PFDN1: variants seen among roughly 807,000 people sequenced by gnomAD.
The protein encoded by PFDN1 is prefoldin subunit 1.
A neutral mutation model predicts 17.3 loss-of-function variants in PFDN1; 6 were observed. That is an observed-to-expected ratio of 0.35 (90% CI 0.19 to 0.69). PFDN1 has a LOEUF of 0.69. Ranked by LOEUF, PFDN1 falls within the 30% of genes least tolerant of loss-of-function variation. The pLI is 0.65. For synonymous variants in PFDN1, 58 were observed against 50.1 expected, an observed-to-expected ratio of 1.16 and a Z score of -0.67; for missense variants, 113 against 146.2, an observed-to-expected ratio of 0.77 and a Z score of 1.17.
chr5:140,273,808 G>T, intron 3 of PFDN1: 1 of 572,314 alleles, frequency 1.7e-6, no homozygotes, highest in Non-Finnish European at 2.2e-6. Context: ...CCAGGGTGGT[G>T]AAAGGGGTGG....
In PFDN1 at chr5:140,303,079, T is replaced by C. The variant is rs778826647; in HGVS notation, c.-6A>G. 2.8e-5 allele frequency: 45 copies of C among 1,611,656 alleles called. No homozygotes were observed. The Admixed American group carries it at 6.2e-4, about 22-fold the overall frequency. On this transcript the variant is annotated 5_prime_UTR_variant, in exon 1 of 4. Coordinates refer to ENST00000261813, the MANE Select transcript of PFDN1 (RefSeq NM_002622.5). Reference sequence around the variant, plus strand: ...AGATCCACGGGGGCGGCCATCTTGGTGCACTGTAAGCGCCTGCGCAGTGGG... The same window carrying C: ...AGATCCACGGGGGCGGCCATCTTGGCGCACTGTAAGCGCCTGCGCAGTGGG...
chr5:140,262,978 A>G (rs746448722), intron 3 of PFDN1, among the ~76,000 whole-genome samples: 1 of 152,250 alleles, frequency 6.6e-6, no homozygotes, highest in Non-Finnish European at 1.5e-5. Context: ...AGCATCCACC[A>G]GAGGCAAATA....
rs554936604 is a variant in PFDN1, at chr5:140,254,758, G to A, written c.286-8701C>T. On this transcript the variant is annotated intron_variant, in intron 3 of 3. Transcript: ENST00000261813. This position sits in a 1 kb window ranked among gnomAD's most constrained non-coding sequence, Gnocchi z 4.4. ...CTTCCAGGTCACTTCTGATACTCTC[G>A]CTCCAGCATTTCTTCAACCTCGTCA... Among the ~76,000 whole-genome samples the A allele has an allele frequency of 1.3e-5, 2 of 152,038 alleles. No individual in the cohort carries two copies. The highest frequency in any genetic ancestry group is 2.1e-4 in the South Asian group (1 of 4,818).
chr5:140,256,603 C>A, intron 3 of PFDN1, among the ~76,000 whole-genome samples: 1 of 147,028 alleles, frequency 6.8e-6, no homozygotes, highest in Admixed American at 6.9e-5. Context: ...CCCTGACTTC[C>A]CCATCTCAGT....
intron 3 of PFDN1, among the ~76,000 whole-genome samples, chr5:140,256,658 CAAAAAAAAAA>C (rs757723797): frequency 1.5e-4 from 6 of 39,892 alleles, no homozygotes; most frequent in South Asian, 2.0e-3. Flanking sequence ...CAAAAAATGA[CAAAAAAAAAA>C]AAAAAAAAAA....
At chr5:140,256,862 C>T (rs569145249) in intron 3 of PFDN1, among the ~76,000 whole-genome samples, 1 of 152,176 alleles carries the variant, frequency 6.6e-6, no homozygotes, top group South Asian at 2.1e-4. Context: ...AAGCCTCCAT[C>T]ATCTCTTGCC....
intron 3 of PFDN1, among the ~76,000 whole-genome samples, chr5:140,275,949 T>A (rs1765284302): frequency 6.6e-6 from 1 of 152,102 alleles, no homozygotes; most frequent in African/African-American, 2.4e-5. Flanking sequence ...TAGCATGGCC[T>A]TTGTCTACAG....
At chr5:140,294,211 C>T (rs1451771028) in intron 2 of PFDN1, among the ~76,000 whole-genome samples, 1 of 151,988 alleles carries the variant, frequency 6.6e-6, no homozygotes, top group Non-Finnish European at 1.5e-5. Context: ...CTGTAGTATG[C>T]ACTAAATAAA....
chr5:140,293,594 C>G (rs2126700150), intron 2 of PFDN1, among the ~76,000 whole-genome samples: 1 of 152,024 alleles, frequency 6.6e-6, no homozygotes, highest in East Asian at 1.9e-4. Flanking sequence ...GGAGGGGAAG[C>G]AGGGAAATAA....
At chr5:140,259,756 G>T (rs774615721) in intron 3 of PFDN1, among the ~76,000 whole-genome samples, 3 of 152,204 alleles carry the variant, frequency 2.0e-5, no homozygotes, top group Non-Finnish European at 2.9e-5. Context: ...TGTGGGGTAA[G>T]ATTAACATGC....
chr5:140,246,084 T>C, intron 3 of PFDN1, 27 bp from the exon 4 acceptor site: 1 of 1,409,186 alleles, frequency 7.1e-7, no homozygotes, highest in Non-Finnish European at 9.8e-7. Flanking sequence ...AGACAAAGGT[T>C]AGGACCAGAG....
intron 3 of PFDN1, among the ~76,000 whole-genome samples, chr5:140,259,740 C>T (rs1165520660): frequency 6.6e-6 from 1 of 152,146 alleles, no homozygotes; most frequent in Non-Finnish European, 1.5e-5. Flanking sequence ...GTGTAACTGA[C>T]GCAACTGTGG....
chr5:140,295,092 A>G (rs901185582), intron 2 of PFDN1, among the ~76,000 whole-genome samples: 3 of 152,036 alleles, frequency 2.0e-5, no homozygotes, highest in African/African-American at 7.2e-5. Flanking sequence ...TCTCTTTTGG[A>G]AAAAAGAAAT....
chr5:140,293,622 T>A (rs1422516134), intron 2 of PFDN1, among the ~76,000 whole-genome samples: 2 of 152,076 alleles, frequency 1.3e-5, no homozygotes, highest in Non-Finnish European at 2.9e-5. Flanking sequence ...AAAGTACTCG[T>A]CTGCAGAAGA....
At position 140,303,021 on chromosome 5, in the gene PFDN1, T is replaced by G. The variant is rs1561523693; in HGVS notation, c.33+20A>C. The G allele has an allele frequency of 1.3e-6, 2 of 1,589,382 alleles. No individual in the cohort carries two copies. Among genetic ancestry groups the G allele is most frequent in the East Asian group, 2.2e-5 (1 of 44,772 alleles). ...AGCCTCCAAAAAGAAGACCTCCGCC[T>G]GCCAAAGACCCTCTTTTACCTTCTT... On this transcript the variant is annotated intron_variant, in intron 1 of 3. Coordinates refer to ENST00000261813, the MANE Select transcript of PFDN1 (RefSeq NM_002622.5).
chr5:140,248,678 T>G (rs1462227892), intron 3 of PFDN1, among the ~76,000 whole-genome samples: 3 of 152,220 alleles, frequency 2.0e-5, no homozygotes, highest in Non-Finnish European at 2.9e-5. Context: ...AGAGCTCTTC[T>G]GCCCTCCCAC....
chr5:140,293,092 T>C (rs1202895079), intron 2 of PFDN1: 1 of 152,036 alleles, frequency 6.6e-6, no homozygotes, highest in Non-Finnish European at 1.5e-5. Flanking sequence ...TCAGAGAAAT[T>C]CAGCTAATTA....
chr5:140,285,306 C>T (rs963039453), intron 2 of PFDN1, among the ~76,000 whole-genome samples: 7 of 150,950 alleles, frequency 4.6e-5, no homozygotes, highest in African/African-American at 1.7e-4. Flanking sequence ...CGAGATCGCG[C>T]CACTGCACTC....
chr5:140,283,512 C>T (rs1408370598), intron 2 of PFDN1, among the ~76,000 whole-genome samples: 1 of 152,196 alleles, frequency 6.6e-6, no homozygotes, highest in Non-Finnish European at 1.5e-5. Context: ...GGATTACAGG[C>T]ATGAGCCACC....
Sources: allele counts gnomAD v4.1 joint callset (sites outside exome capture counted in the v4.1 genomes callset), GRCh38; gene constraint gnomAD v4.1.1; non-coding constraint Gnocchi (gnomAD v3.1); transcripts MANE v1.5; gene names NCBI Gene and HGNC (gene_info 2026-07-23, HGNC 2026-07-21).